The following PALM2AKAP2 variants were observed in gnomAD, a reference collection of about 807,000 sequenced individuals.
PALM2AKAP2 encodes PALM2 and AKAP2 fusion.
PALM2AKAP2 carries 37 observed loss-of-function variants against 71.5 expected under a neutral mutation model. The ratio of observed to expected loss-of-function variants is 0.52; its 90% CI spans 0.40 to 0.68. The LOEUF is 0.68. Among genes scored for constraint, PALM2AKAP2 ranks in the 30% least tolerant of loss-of-function variants. PALM2AKAP2 has a pLI of 0.00. For missense variants in PALM2AKAP2, 1,224 were observed against 1,191.8 expected, an observed-to-expected ratio of 1.03 and a Z score of -0.40; for synonymous variants, 468 against 478.8, an observed-to-expected ratio of 0.98 and a Z score of 0.29.
chr9:110,086,830 T>C (rs1454091368), intron 1 of PALM2AKAP2, among the ~76,000 whole-genome samples: 1 of 152,108 alleles, frequency 6.6e-6, no homozygotes, highest in Non-Finnish European at 1.5e-5. Context: ...ACAAAACAGA[T>C]AGTCATTTCA....
chr9:109,913,684 T>G (rs768230756), intron 3 of PALM2AKAP2, among the ~76,000 whole-genome samples: 20 of 152,128 alleles, frequency 1.3e-4, no homozygotes, highest in Admixed American at 3.3e-4. Flanking sequence ...TGTCTTGTAT[T>G]AATTAGGATT....
At chr9:109,817,728 G>A (rs1827888314) in intron 1 of PALM2AKAP2, among the ~76,000 whole-genome samples, 1 of 152,232 alleles carries the variant, frequency 6.6e-6, no homozygotes, top group Admixed American at 6.5e-5. Flanking sequence ...TTGCAGCGAG[G>A]AAGGTAGCAC....
chr9:110,151,948 C>G (rs1836325802), intron 2 of PALM2AKAP2, among the ~76,000 whole-genome samples: 1 of 152,264 alleles, frequency 6.6e-6, no homozygotes, highest in South Asian at 2.1e-4. Context: ...TTCAAGAGAG[C>G]CGTTCTGGCC....
At chr9:109,889,153 C>T (rs184337051) in intron 3 of PALM2AKAP2, among the ~76,000 whole-genome samples, 1 of 152,264 alleles carries the variant, frequency 6.6e-6, no homozygotes, top group East Asian at 1.9e-4. Context: ...AAATAAAAGG[C>T]TTCTCTTATG....
intron 7 of PALM2AKAP2, among the ~76,000 whole-genome samples, chr9:110,035,330 T>C (rs1318144937): frequency 2.8e-5 from 4 of 145,264 alleles, no homozygotes; most frequent in Non-Finnish European, 6.0e-5. Flanking sequence ...GTATTATATG[T>C]ATAATACATA....
chr9:109,923,962 C>T lies in PALM2AKAP2; in HGVS notation c.372+113C>T, dbSNP rs139872548. ...GGGCATTGATGAGAAATCTGAGCCA[C>T]GAACTCTATGAAATGAGGGGCAGAT... On this transcript the variant is annotated intron_variant, in intron 4 of 9. Transcript: ENST00000302798. 4.5e-3 allele frequency: 5,060 copies of T among 1,115,854 alleles called. 15 individuals are homozygous for T. The highest frequency in any genetic ancestry group is 5.4e-3 in the Non-Finnish European group (4,363 of 810,636). The allele number at this position is 1,115,854 out of a possible 1,614,324, so 69.1% of individuals were successfully genotyped here.
chr9:109,816,355 A>G (rs1045872892), intron 1 of PALM2AKAP2, among the ~76,000 whole-genome samples: 1 of 152,226 alleles, frequency 6.6e-6, no homozygotes, highest in Non-Finnish European at 1.5e-5. Flanking sequence ...GAAAAGACAT[A>G]AAAATGAAGA....
intron 1 of PALM2AKAP2, chr9:109,867,202 G>C (rs745634103): frequency 4.0e-5 from 16 of 403,348 alleles, no homozygotes; most frequent in South Asian, 5.5e-5. Context: ...GTGTGTGTGT[G>C]TGTCTGTGTG....
At chr9:109,866,960 G>A in intron 1 of PALM2AKAP2, 3 of 449,852 alleles carry the variant, frequency 6.7e-6, no homozygotes, top group South Asian at 3.2e-5. Flanking sequence ...TGCATTGTTT[G>A]GTATGTCCAA....
intron 1 of PALM2AKAP2, among the ~76,000 whole-genome samples, chr9:109,685,332 T>G (rs1001455204): frequency 3.9e-5 from 6 of 152,188 alleles, no homozygotes; most frequent in African/African-American, 9.7e-5. Flanking sequence ...AAAAGCCGAT[T>G]TTTTACTTGC....
At chr9:110,023,984 A>C (rs1029376398) in intron 7 of PALM2AKAP2, among the ~76,000 whole-genome samples, 2 of 152,008 alleles carry the variant, frequency 1.3e-5, no homozygotes, top group Non-Finnish European at 2.9e-5. Context: ...AATAACCATA[A>C]TTTTCATTGC....
At chr9:110,170,912 T>C (rs186140722) in exon 4 of PALM2AKAP2, 88 of 152,616 alleles carry the variant, frequency 5.8e-4, no homozygotes, top group Non-Finnish European at 9.0e-4. Flanking sequence ...GGCAGCAGCA[T>C]TGCACAGCCC....
chr9:109,775,157 T>C (rs1829330275), intron 1 of PALM2AKAP2, among the ~76,000 whole-genome samples: 1 of 152,204 alleles, frequency 6.6e-6, no homozygotes, highest in South Asian at 2.1e-4. Context: ...TTGATTCCCG[T>C]ACACTCTCCT....
At chr9:109,932,067 G>A (rs745550402) in intron 6 of PALM2AKAP2, 39 bp downstream of exon 6, 48 of 1,566,466 alleles carry the variant, frequency 3.1e-5, no homozygotes, top group Non-Finnish European at 4.1e-5. Context: ...GATGGTCCAA[G>A]GGGCTTGCAT....
chr9:109,781,036 T>C (rs1308176095), intron 1 of PALM2AKAP2, among the ~76,000 whole-genome samples: 1 of 152,180 alleles, frequency 6.6e-6, no homozygotes, highest in African/African-American at 2.4e-5. Context: ...CTCTGTTTGA[T>C]ATTGACAAGG....
At chr9:109,850,390 G>T (rs1828977585) in intron 1 of PALM2AKAP2, among the ~76,000 whole-genome samples, 1 of 152,012 alleles carries the variant, frequency 6.6e-6, no homozygotes, top group Non-Finnish European at 1.5e-5. Flanking sequence ...GCCAGATTTG[G>T]TTTGACCTGT....
intron 6 of PALM2AKAP2, among the ~76,000 whole-genome samples, chr9:110,011,779 C>T (rs889435805): frequency 2.0e-5 from 3 of 152,102 alleles, no homozygotes; most frequent in Admixed American, 2.0e-4. Context: ...TGTCCTCCTT[C>T]GACTCCACAT....
chr9:109,717,591 C>T (rs900426840), intron 1 of PALM2AKAP2, among the ~76,000 whole-genome samples: 10 of 152,286 alleles, frequency 6.6e-5, no homozygotes, highest in African/African-American at 1.2e-4. Flanking sequence ...TAGCACTAGA[C>T]GCCATAGAAG....
intron 2 of PALM2AKAP2, among the ~76,000 whole-genome samples, chr9:110,139,796 A>C (rs1030343518): frequency 6.6e-6 from 1 of 152,204 alleles, no homozygotes; most frequent in Non-Finnish European, 1.5e-5. Context: ...AATTGCCAAC[A>C]TGATGCCCCA....
Sources: gnomAD v4.1 joint callset for allele counts (sites outside exome capture counted in the v4.1 genomes callset) on GRCh38, gnomAD v4.1.1 for gene constraint, MANE v1.5 for transcripts, NCBI Gene and HGNC (gene_info 2026-07-23, HGNC 2026-07-21) for gene names.